CAPS2: variants seen among roughly 807,000 people sequenced by gnomAD.
CAPS2 encodes calcyphosine 2.
Under a neutral mutation model 86.5 loss-of-function variants are expected in CAPS2, and 98 were observed. The observed-to-expected ratio is 1.13, with a 90% CI of 0.96 to 1.34. The LOEUF (loss-of-function observed/expected upper bound fraction) is 1.34. Among genes scored for constraint, CAPS2 ranks in the 40% most tolerant of loss-of-function variants. The probability of loss-of-function intolerance (pLI) is 0.00; values close to 1 mark genes in which losing one functional copy is unlikely to be tolerated. For synonymous variants in CAPS2, 210 were observed against 225.1 expected (o/e 0.93, Z 0.60); for missense variants, 729 against 686.8 (o/e 1.06, Z -0.69).
intron 14 of CAPS2, among the ~76,000 whole-genome samples, chr12:75,285,964 C>G (rs979275828): frequency 6.6e-6 from 1 of 151,862 alleles, no homozygotes; most frequent in African/African-American, 2.4e-5. Context: ...TTCACTTTAC[C>G]ATTACCATTT....
chr12:75,381,162 T>G (rs540364899), intron 1 of CAPS2, among the ~76,000 whole-genome samples: 48 of 152,308 alleles, frequency 3.2e-4, no homozygotes, highest in African/African-American at 1.0e-3. Context: ...TCCTGTGCTA[T>G]TCTCATGACA....
intron 1 of CAPS2, chr12:75,390,305 A>G: frequency 2.2e-6 from 1 of 456,304 alleles, no homozygotes; most frequent in East Asian, 6.9e-5. Flanking sequence ...AAAGAAAACA[A>G]AAGAGTTCGT....
chr12:75,323,169 A>C lies in CAPS2; in HGVS notation c.177+8T>G. The C allele has an allele frequency of 1.3e-6, 2 of 1,531,394 alleles. No homozygotes were observed. The highest frequency in any genetic ancestry group is 1.8e-6 in the Non-Finnish European group (2 of 1,132,434). 94.9% of individuals were successfully genotyped at this position (1,531,394 alleles called of 1,614,324 possible). ...TGTTTATTATATTAAATACTAAATA[A>C]AAATTACCTCATCATCAGAGTCAAC... On this transcript the variant is annotated splice_region_variant and intron_variant, in intron 3 of 16. Coordinates refer to ENST00000393284, the Ensembl canonical transcript of CAPS2.
chr12:75,328,099 C>T (rs997752475), upstream of CAPS2, among the ~76,000 whole-genome samples: 5 of 151,918 alleles, frequency 3.3e-5, no homozygotes, highest in African/African-American at 1.2e-4. Context: ...TCCTATAGCA[C>T]TACAGATGGC....
chr12:75,289,594 C>A, intron 14 of CAPS2, 27 bp downstream of exon 14: 1 of 1,582,254 alleles, frequency 6.3e-7, no homozygotes, highest in South Asian at 1.2e-5. Flanking sequence ...ATATTATCTG[C>A]TGCAGAGAAT....
chr12:75,342,487 C>G (rs1004323379), intron 1 of CAPS2, among the ~76,000 whole-genome samples: 4 of 152,076 alleles, frequency 2.6e-5, no homozygotes, highest in Non-Finnish European at 4.4e-5. Context: ...GCAATTATAC[C>G]TACATTAAGA....
At chr12:75,296,104 A>G (rs1218507736) in intron 11 of CAPS2, among the ~76,000 whole-genome samples, 1 of 152,114 alleles carries the variant, frequency 6.6e-6, no homozygotes, top group Non-Finnish European at 1.5e-5. Context: ...GTTTAGATTG[A>G]CTTTTTAGTT....
intron 1 of CAPS2, among the ~76,000 whole-genome samples, chr12:75,382,650 AG>A (rs1361907877): frequency 2.1e-5 from 3 of 144,132 alleles, no homozygotes; most frequent in Non-Finnish European, 3.1e-5. Flanking sequence ...AAAAAAAAAA[AG>A]AAGAAGAATT....
chr12:75,369,723 T>C (rs2044232995), intron 1 of CAPS2: 11 of 985,256 alleles, frequency 1.1e-5, no homozygotes, highest in Non-Finnish European at 1.2e-5. Flanking sequence ...TTTTGACTTT[T>C]GTGCCTTCAA....
At chr12:75,355,703 A>G (rs1030300252) in intron 1 of CAPS2, among the ~76,000 whole-genome samples, 1 of 152,240 alleles carries the variant, frequency 6.6e-6, no homozygotes, top group Non-Finnish European at 1.5e-5. Context: ...CACTATTTAT[A>G]ATAGCAAAGA....
chr12:75,385,270 A>C (rs933515142), intron 1 of CAPS2, among the ~76,000 whole-genome samples: 2 of 152,222 alleles, frequency 1.3e-5, no homozygotes, highest in African/African-American at 4.8e-5. Flanking sequence ...AAATGAACTA[A>C]GACATAGGTA....
chr12:75,312,140 A>T (rs1296068169), intron 7 of CAPS2, among the ~76,000 whole-genome samples: 2 of 152,170 alleles, frequency 1.3e-5, no homozygotes, highest in Non-Finnish European at 2.9e-5. Flanking sequence ...ATATGTTAAA[A>T]CTTTAGTTTT....
At chr12:75,332,906 G>T (rs2041432984), upstream of CAPS2, among the ~76,000 whole-genome samples, 1 of 152,202 alleles carries the variant, frequency 6.6e-6, no homozygotes, top group East Asian at 1.9e-4. Flanking sequence ...GATATAGAAT[G>T]ATCAGGGAAG....
upstream of CAPS2, among the ~76,000 whole-genome samples, chr12:75,331,754 A>G (rs865939344): frequency 1.4e-3 from 216 of 152,034 alleles, no homozygotes; most frequent in Middle Eastern, 0.01. Flanking sequence ...TAGTAGAGAC[A>G]GGGTTTCACC....
chr12:75,305,630 C>T, intron 7 of CAPS2: 1 of 622,292 alleles, frequency 1.6e-6, no homozygotes. Flanking sequence ...GGCTCAGCAG[C>T]AGGCCGCGGA....
chr12:75,289,671 C>T lies in CAPS2; in HGVS notation c.1345G>A (p.Ala449Thr), dbSNP rs2035502645. 1.9e-6 allele frequency: 3 copies of T among 1,613,288 alleles called. No homozygotes were observed. The African/African-American group carries it at 4.0e-5, about 22-fold the overall frequency. The change falls in exon 14 of 17, where the codon GCA (alanine) becomes ACA (threonine). Residue 449 changes from alanine (A) to threonine (T), a missense_variant. Ala to Thr is a moderately conservative substitution (Grantham distance 58). Coordinates refer to ENST00000393284, the Ensembl canonical transcript of CAPS2. The stretch of plus-strand genomic sequence containing the variant: ...ACTTTTAGAGCTTGCTTAAAATCTG[C>T]CTTATCTAAAAGTCCATTTCCTTCC...
chr12:75,328,681 G>A (rs2041015502), upstream of CAPS2, among the ~76,000 whole-genome samples: 1 of 152,144 alleles, frequency 6.6e-6, no homozygotes, highest in Non-Finnish European at 1.5e-5. Context: ...TACAAATTCT[G>A]TCTTCAATTA....
At chr12:75,384,132 C>A (rs1189980901) in intron 1 of CAPS2, among the ~76,000 whole-genome samples, 1 of 151,448 alleles carries the variant, frequency 6.6e-6, no homozygotes, top group Non-Finnish European at 1.5e-5. Context: ...CAAATTAAAC[C>A]CAAAGTAAGC....
At chr12:75,303,041 G>T (rs1426867707) in intron 8 of CAPS2, among the ~76,000 whole-genome samples, 1 of 152,140 alleles carries the variant, frequency 6.6e-6, no homozygotes, top group African/African-American at 2.4e-5. Flanking sequence ...CAGCAGAAAT[G>T]AGTACATATG....
Sources: gnomAD v4.1 joint callset for allele counts (sites outside exome capture counted in the v4.1 genomes callset) on GRCh38, gnomAD v4.1.1 for gene constraint, MANE v1.5 for transcripts, NCBI Gene and HGNC (gene_info 2026-07-23, HGNC 2026-07-21) for gene names.